Variants in PRKCB observed in about 807,000 individuals in gnomAD.
PRKCB encodes the protein protein kinase C beta type.
Under a neutral mutation model 81.5 loss-of-function variants are expected in PRKCB, and 13 were observed. That is an observed-to-expected ratio of 0.16 (90% CI 0.10 to 0.25). The LOEUF is 0.25. Ranked by LOEUF, PRKCB falls within the 10% of genes least tolerant of loss-of-function variation. The pLI is 1.00. For synonymous variants in PRKCB, 335 were observed against 321.4 expected, an observed-to-expected ratio of 1.04 and a Z score of -0.45; for missense variants, 509 against 875.7, an observed-to-expected ratio of 0.58 and a Z score of 5.29.
At chr16:24,212,688 A>G (rs1968163236) in intron 16 of PRKCB, among the ~76,000 whole-genome samples, 1 of 151,830 alleles carries the variant, frequency 6.6e-6, no homozygotes, top group Non-Finnish European at 1.5e-5. Flanking sequence ...GCTGGTCTCA[A>G]ACTCATGACC....
At chr16:24,004,459 T>G (rs1260981371) in intron 3 of PRKCB, among the ~76,000 whole-genome samples, 2 of 119,530 alleles carry the variant, frequency 1.7e-5, no homozygotes, top group Admixed American at 1.1e-4. Context: ...CTGGGCAACA[T>G]GGCGAAACCA....
intron 9 of PRKCB, among the ~76,000 whole-genome samples, chr16:24,134,714 A>C (rs557325697): frequency 6.6e-6 from 1 of 150,928 alleles, no homozygotes; most frequent in Non-Finnish European, 1.5e-5. Context: ...ATGTCACTGC[A>C]CTCCAGCCTG....
intron 2 of PRKCB, among the ~76,000 whole-genome samples, chr16:23,955,703 C>T (rs898107516): frequency 1.3e-5 from 2 of 152,184 alleles, no homozygotes; most frequent in South Asian, 2.1e-4. Flanking sequence ...CCACCATGGG[C>T]GAGACCTTGG....
chr16:24,195,661 T>C (rs1313092728), intron 16 of PRKCB, among the ~76,000 whole-genome samples: 2 of 152,232 alleles, frequency 1.3e-5, no homozygotes, highest in Non-Finnish European at 2.9e-5. Context: ...ATTTGGTGTA[T>C]TGTTGCAGGG....
intron 2 of PRKCB, among the ~76,000 whole-genome samples, chr16:23,924,938 G>T (rs1963876119): frequency 6.6e-6 from 1 of 152,014 alleles, no homozygotes; most frequent in African/African-American, 2.4e-5. Context: ...CTCATTTAAT[G>T]AGTAAATGCT....
intron 9 of PRKCB, among the ~76,000 whole-genome samples, chr16:24,142,725 C>A (rs1966920191): frequency 6.6e-6 from 1 of 152,172 alleles, no homozygotes; most frequent in Non-Finnish European, 1.5e-5. Flanking sequence ...TCATATTTGC[C>A]TTAAAACTTG....
intron 5 of PRKCB, among the ~76,000 whole-genome samples, chr16:24,044,088 C>T (rs1046598183): frequency 6.6e-6 from 1 of 152,148 alleles, no homozygotes; most frequent in Non-Finnish European, 1.5e-5. Context: ...GGCGCGGTGG[C>T]TCACACCTGT....
At chr16:23,846,713 T>C (rs1962375798) in intron 2 of PRKCB, among the ~76,000 whole-genome samples, 1 of 151,932 alleles carries the variant, frequency 6.6e-6, no homozygotes, top group South Asian at 2.1e-4. Context: ...GGTTCTGTTC[T>C]ACCCTGAGCT....
intron 9 of PRKCB, among the ~76,000 whole-genome samples, chr16:24,144,281 C>T (rs1010076426): frequency 2.6e-5 from 4 of 151,992 alleles, no homozygotes; most frequent in Non-Finnish European, 4.4e-5. Context: ...TACACATACA[C>T]GTGTATTTAC....
intron 2 of PRKCB, among the ~76,000 whole-genome samples, chr16:23,915,952 C>T (rs1237216066): frequency 6.6e-6 from 1 of 152,016 alleles, no homozygotes; most frequent in African/African-American, 2.4e-5. Flanking sequence ...AAACTTAATA[C>T]ATGTTATTCA....
chr16:23,927,412 A>G (rs1035132272), intron 2 of PRKCB, among the ~76,000 whole-genome samples: 7 of 151,770 alleles, frequency 4.6e-5, no homozygotes, highest in Admixed American at 2.0e-4. Context: ...GAAGTAAGGA[A>G]CCCTGTCATA....
At chr16:24,084,882 T>G (rs901522926) in intron 5 of PRKCB, among the ~76,000 whole-genome samples, 4 of 152,088 alleles carry the variant, frequency 2.6e-5, no homozygotes, top group African/African-American at 9.7e-5. Flanking sequence ...TTGCTGTGGT[T>G]GGAGATCATG....
chr16:24,210,502 C>CT (rs34059803), intron 16 of PRKCB, among the ~76,000 whole-genome samples: 14,617 of 143,972 alleles, frequency 0.1, 1,216 homozygotes, highest in African/African-American at 0.22. Flanking sequence ...CTTTCTTCTT[C>CT]TTTTTTTTTT....
At chr16:24,105,060 T>TTTG (rs886916210) in intron 7 of PRKCB, among the ~76,000 whole-genome samples, 1 of 151,668 alleles carries the variant, frequency 6.6e-6, no homozygotes, top group African/African-American at 2.4e-5. Context: ...GTTGGATTTT[T>TTTG]TTTTTTTTAT....
intron 2 of PRKCB, among the ~76,000 whole-genome samples, chr16:23,865,495 A>G (rs186076254): frequency 3.1e-4 from 5 of 16,362 alleles, no homozygotes; most frequent in East Asian, 3.6e-3. Context: ...ATATATATAT[A>G]TATATATATA....
intron 2 of PRKCB, among the ~76,000 whole-genome samples, chr16:23,982,605 A>G (rs1964753149): frequency 6.6e-6 from 1 of 151,672 alleles, no homozygotes; most frequent in South Asian, 2.1e-4. Context: ...AATTTTAAAA[A>G]TTTTTTAGAG....
intron 2 of PRKCB, among the ~76,000 whole-genome samples, chr16:23,863,493 T>A (rs546761823): frequency 6.6e-6 from 1 of 152,192 alleles, no homozygotes; most frequent in Non-Finnish European, 1.5e-5. Flanking sequence ...TGTAATACAA[T>A]GTCACAGAGC....
intron 16 of PRKCB, among the ~76,000 whole-genome samples, chr16:24,200,083 A>G (rs968844444): frequency 6.6e-6 from 1 of 152,254 alleles, no homozygotes; most frequent in Non-Finnish European, 1.5e-5. Context: ...GGATTTTAAA[A>G]GATGCAAATC....
intron 16 of PRKCB, among the ~76,000 whole-genome samples, chr16:24,208,797 G>T (rs906777357): frequency 6.6e-6 from 1 of 152,112 alleles, no homozygotes; most frequent in African/African-American, 2.4e-5. Context: ...TTTAGGGAGC[G>T]CTCCTGAAGC....
Sources: gnomAD v4.1 joint callset for allele counts (sites outside exome capture counted in the v4.1 genomes callset) on GRCh38, gnomAD v4.1.1 for gene constraint, MANE v1.5 for transcripts, NCBI Gene and HGNC (gene_info 2026-07-23, HGNC 2026-07-21) for gene names.